The following TECRL variants were observed in gnomAD, a reference collection of about 807,000 sequenced individuals.
TECRL encodes trans-2,3-enoyl-CoA reductase-like.
A neutral mutation model predicts 52.8 loss-of-function variants in TECRL; 63 were observed. That is an observed-to-expected ratio of 1.19 (90% CI 0.97 to 1.47). The LOEUF is 1.47. Ranked by LOEUF, TECRL falls within the 40% of genes most tolerant of loss-of-function variation. The probability of loss-of-function intolerance (pLI) is 0.00; values close to 1 mark genes in which losing one functional copy is unlikely to be tolerated. For synonymous variants in TECRL, 164 were observed against 141.9 expected, an observed-to-expected ratio of 1.16 and a Z score of -1.10; for missense variants, 482 against 429.6, an observed-to-expected ratio of 1.12 and a Z score of -1.08.
At chr4:64,345,281 G>A (rs995076432) in intron 2 of TECRL, among the ~76,000 whole-genome samples, 7 of 152,102 alleles carry the variant, frequency 4.6e-5, no homozygotes, top group Non-Finnish European at 7.3e-5. Flanking sequence ...ATTCACAATA[G>A]CAAAGACTTA....
intron 2 of TECRL, among the ~76,000 whole-genome samples, chr4:64,367,800 A>T (rs570174197): frequency 6.6e-6 from 1 of 152,252 alleles, no homozygotes; most frequent in South Asian, 2.1e-4. Context: ...TTCAGTTGTA[A>T]ATTGGTAAAA....
chr4:64,389,748 T>G (rs2109742177), intron 1 of TECRL, among the ~76,000 whole-genome samples: 1 of 152,020 alleles, frequency 6.6e-6, no homozygotes, highest in African/African-American at 2.4e-5. Context: ...TTTGATAGAT[T>G]ATTAATTATT....
intron 2 of TECRL, among the ~76,000 whole-genome samples, chr4:64,344,656 T>C (rs1719822820): frequency 1.3e-5 from 2 of 152,224 alleles, no homozygotes; most frequent in East Asian, 3.8e-4. Context: ...AAAGCTCCTA[T>C]GTGAAATGTA....
intron 2 of TECRL, among the ~76,000 whole-genome samples, chr4:64,336,331 T>TA (rs1560508734): frequency 1.3e-5 from 2 of 152,210 alleles, no homozygotes; most frequent in Admixed American, 1.3e-4. Context: ...TGATGGTAGT[T>TA]TGTATTTCTG....
chr4:64,365,528 G>A (rs1012607333), intron 2 of TECRL, among the ~76,000 whole-genome samples: 1 of 152,036 alleles, frequency 6.6e-6, no homozygotes. Context: ...AACCACCTCA[G>A]CAAATTTTAC....
intron 9 of TECRL, among the ~76,000 whole-genome samples, chr4:64,288,044 G>C (rs1276366931): frequency 2.6e-5 from 4 of 152,004 alleles, no homozygotes; most frequent in Admixed American, 6.6e-5. Context: ...TACTCAGGAG[G>C]CTGAGGCAGG....
At chr4:64,340,347 A>G (rs1210954576) in intron 2 of TECRL, among the ~76,000 whole-genome samples, 1 of 152,182 alleles carries the variant, frequency 6.6e-6, no homozygotes, top group Non-Finnish European at 1.5e-5. Context: ...AGGCCCAGGA[A>G]TCCCTGAACT....
At chr4:64,313,993 A>C (rs1159248147) in intron 5 of TECRL, among the ~76,000 whole-genome samples, 1 of 142,830 alleles carries the variant, frequency 7.0e-6, no homozygotes, top group East Asian at 2.0e-4. Context: ...AAAAAAAAAA[A>C]AAAAAAATTA....
chr4:64,396,007 G>GT (rs534640236), intron 1 of TECRL, among the ~76,000 whole-genome samples: 414 of 152,102 alleles, frequency 2.7e-3, no homozygotes, highest in African/African-American at 9.3e-3. Flanking sequence ...ACATGAGTCT[G>GT]TTTTTTTATG....
At chr4:64,358,947 A>T (rs1197779853) in intron 2 of TECRL, among the ~76,000 whole-genome samples, 1 of 151,896 alleles carries the variant, frequency 6.6e-6, no homozygotes, top group Non-Finnish European at 1.5e-5. Context: ...TATTGATGAG[A>T]ATATCCATAA....
chr4:64,289,828 T>C, intron 8 of TECRL, 61 bp from the exon 9 acceptor site: 2 of 1,036,486 alleles, frequency 1.9e-6, no homozygotes, highest in South Asian at 4.0e-5. Context: ...TAAAAAAACA[T>C]ATTCTAGAGT....
At chr4:64,365,590 C>T (rs1479180743) in intron 2 of TECRL, among the ~76,000 whole-genome samples, 2 of 151,938 alleles carry the variant, frequency 1.3e-5, no homozygotes, top group Non-Finnish European at 2.9e-5. Context: ...ACCAATAGTA[C>T]TAAAGCTGAG....
At chr4:64,283,735 CA>C (rs1722944381) in intron 9 of TECRL, among the ~76,000 whole-genome samples, 1 of 152,018 alleles carries the variant, frequency 6.6e-6, no homozygotes, top group Non-Finnish European at 1.5e-5. Context: ...TGTACAACTC[CA>C]ATCCAATGCA....
At chr4:64,305,363 C>G in intron 6 of TECRL, 125 bp from the exon 7 acceptor site, 1 of 708,164 alleles carries the variant, frequency 1.4e-6, no homozygotes, top group East Asian at 2.7e-5. Context: ...ATATTAGACA[C>G]TGCAGCATTT....
intron 2 of TECRL, among the ~76,000 whole-genome samples, chr4:64,354,325 CAT>C (rs558360398): frequency 1.4e-4 from 22 of 152,214 alleles, no homozygotes; most frequent in Non-Finnish European, 2.4e-4. Context: ...AATAGATAAT[CAT>C]GTACAGAATA....
chr4:64,375,707 C>A (rs1193731313), intron 1 of TECRL, among the ~76,000 whole-genome samples: 1 of 151,558 alleles, frequency 6.6e-6, no homozygotes, highest in Admixed American at 6.6e-5. Flanking sequence ...TTTAAATCCC[C>A]AAATAAAAGT....
At chr4:64,313,915 C>T (rs1385185823) in intron 5 of TECRL, among the ~76,000 whole-genome samples, 5 of 141,718 alleles carry the variant, frequency 3.5e-5, no homozygotes, top group Admixed American at 7.5e-5. Context: ...GGGCGGATCA[C>T]GAGGTCAGGA....
Position 64,279,733 on chromosome 4 carries a change from G to T in TECRL, c.*339C>A. The T allele has an allele frequency of 2.2e-6, 2 of 916,406 alleles. No individual in the cohort carries two copies. The highest frequency in any genetic ancestry group is 2.5e-6 in the Non-Finnish European group (2 of 786,332). 56.8% of individuals were successfully genotyped at this position (916,406 alleles called of 1,614,324 possible). On this transcript the variant is annotated 3_prime_UTR_variant, in exon 12 of 12. Coordinates refer to ENST00000381210, the MANE Select transcript of TECRL (RefSeq NM_001010874.5). ...CCTTTGGGAAATGTCTGTTCAGATCGCTTTTTCATTTGTTAATCAGATTTT... is the reference window on the plus strand; with the variant it reads ...CCTTTGGGAAATGTCTGTTCAGATCTCTTTTTCATTTGTTAATCAGATTTT...
At chr4:64,378,135 T>C (rs1187685311) in intron 1 of TECRL, among the ~76,000 whole-genome samples, 2 of 152,044 alleles carry the variant, frequency 1.3e-5, no homozygotes, top group Non-Finnish European at 2.9e-5. Flanking sequence ...CACAGAGAAG[T>C]ACAAAATGCC....
Sources: gnomAD v4.1 joint callset for allele counts (sites outside exome capture counted in the v4.1 genomes callset) on GRCh38, gnomAD v4.1.1 for gene constraint, MANE v1.5 for transcripts, NCBI Gene and HGNC (gene_info 2026-07-23, HGNC 2026-07-21) for gene names.